Variants in PLA2G4B observed in about 807,000 individuals in gnomAD.
PLA2G4B encodes the protein phospholipase A2 group IVB.
A neutral mutation model predicts 95.8 loss-of-function variants in PLA2G4B; 122 were observed. The observed-to-expected ratio is 1.27, with a 90% confidence interval of 1.10 to 1.48. The LOEUF (loss-of-function observed/expected upper bound fraction) is 1.48, where lower values mean the gene tolerates loss of function less well. Among genes scored for constraint, PLA2G4B ranks in the 40% most tolerant of loss-of-function variants. The pLI, the probability that PLA2G4B is intolerant of heterozygous loss-of-function variation, is 0.00. For synonymous variants in PLA2G4B, 518 were observed against 421.5 expected (o/e 1.23, Z -2.80); for missense variants, 1,158 against 996.2 (o/e 1.16, Z -2.19).
chr15:41,845,850 T>G, intron 15 of PLA2G4B, 75 bp downstream of exon 15: 2 of 1,528,564 alleles, frequency 1.3e-6, no homozygotes, highest in Middle Eastern at 1.8e-4. Flanking sequence ...GCAGCCTCGG[T>G]CAGAAGAGTT....
At position 41,845,653 on chromosome 15, in the gene PLA2G4B, C is replaced by G; in HGVS notation, c.1373C>G (p.Ser458Cys). 1.9e-6 allele frequency: 3 copies of G among 1,614,180 alleles called. No homozygotes were observed. The highest frequency in any genetic ancestry group is 8.5e-7 in the Non-Finnish European group (1 of 1,180,024). The change falls in exon 15 of 20, where the codon TCT (serine) becomes TGT (cysteine). Residue 458 changes from serine to cysteine, a missense_variant. Ser to Cys is a moderately radical substitution (Grantham distance 112, BLOSUM62 -1). Coordinates refer to ENST00000458483, the MANE Select transcript of PLA2G4B (RefSeq NM_001114633.2). ...CTCCTCACAGAGTGGTGCGAGTTCT[C>G]TCCCTACGAGGTCGGCTTCCCCAAG... The part of the protein sequence containing the change: ...TFEFGEWCEF[S>C]PYEVGFPKYG...
intron 17 of PLA2G4B, 36 bp downstream of exon 17, chr15:41,846,418 C>A: frequency 6.3e-7 from 1 of 1,581,710 alleles, no homozygotes; most frequent in Non-Finnish European, 8.6e-7. Flanking sequence ...CTGTGGCCAC[C>A]TGAGCCTTGA....
rs138778012 is a variant in PLA2G4B at position 41,846,288 on chromosome 15, G to A, written c.1686G>A (p.Thr562=). ...CTGAGTTTTTCACCGATCTTCTGAC[G>A]TGGCGTCCACTGGCCCAGGCCACAC... ...RIAEFFTDLL[T]WRPLAQATHN... The change falls in exon 17 of 20, where the codon ACG becomes ACA. Residue 562 remains threonine (T), a synonymous_variant. Coordinates refer to ENST00000458483, the MANE Select transcript of PLA2G4B (RefSeq NM_001114633.2). 1,096 of 1,614,052 alleles carry A rather than the reference G, an allele frequency of 6.8e-4. 11 individuals are homozygous for A. The African/African-American group carries it at 0.013, about 20-fold the overall frequency.
chr15:41,843,525 G>C (rs2140893038), intron 10 of PLA2G4B, 151 bp from the exon 11 acceptor site: 1 of 1,379,086 alleles, frequency 7.3e-7, no homozygotes, highest in Non-Finnish European at 9.8e-7. Context: ...ACTCTCCCCA[G>C]GTGTCAAACT....
chr15:41,842,774 C>A, intron 10 of PLA2G4B, 183 bp downstream of exon 10: 1 of 913,590 alleles, frequency 1.1e-6, no homozygotes, highest in Non-Finnish European at 1.6e-6. Context: ...GGAGTCTTAG[C>A]ACCTATGGTC....
At chr15:41,844,390 T>G in intron 11 of PLA2G4B, 81 bp from the exon 12 acceptor site, 2 of 1,605,104 alleles carry the variant, frequency 1.2e-6, no homozygotes, top group Non-Finnish European at 1.7e-6. Flanking sequence ...GGGTGGCCAC[T>G]TGACCTGCTA....
chr15:41,839,180 CAG>C (rs1226747784), intron 1 of PLA2G4B: 5 of 367,910 alleles, frequency 1.4e-5, no homozygotes, highest in African/African-American at 1.0e-4. Flanking sequence ...CCTGGAGACT[CAG>C]AGGCTCCCAG....
At chr15:41,846,967 G>C in intron 18 of PLA2G4B, 132 bp downstream of exon 18, 2 of 1,246,538 alleles carry the variant, frequency 1.6e-6, no homozygotes, top group Non-Finnish European at 2.2e-6. Context: ...ATCTTAATTT[G>C]CCACCAGAGG....
intron 11 of PLA2G4B, among the ~76,000 whole-genome samples, chr15:41,844,201 A>AAAGTGAGC (rs1282159364): frequency 6.6e-6 from 1 of 152,168 alleles, no homozygotes; most frequent in Non-Finnish European, 1.5e-5. Context: ...GGGCTTCCAG[A>AAAGTGAGC]AAGTGAGCGT....
At chr15:41,840,296 T>A in intron 2 of PLA2G4B, 66 bp downstream of exon 2, 1 of 1,597,830 alleles carries the variant, frequency 6.3e-7, no homozygotes, top group Non-Finnish European at 8.5e-7. Flanking sequence ...AGGAGGAGGG[T>A]GCTGTGGCTG....
At chr15:41,845,580 G>T (rs559862870) in intron 14 of PLA2G4B, 58 bp from the exon 15 acceptor site, 21 of 1,604,766 alleles carry the variant, frequency 1.3e-5, no homozygotes, top group African/African-American at 8.0e-5. Context: ...GGGTCGGGGT[G>T]GGGGTGTGGG....
rs1056341649 is a variant in PLA2G4B, at chr15:41,846,518, T to G, written c.1780+136T>G. ...ACTACTTGGAACAGGGGTCTTTTTCTCCTTGTCTTGGGGACCCAGGGCCCA... is the reference window on the plus strand; with the variant it reads ...ACTACTTGGAACAGGGGTCTTTTTCGCCTTGTCTTGGGGACCCAGGGCCCA... On this transcript the variant is annotated intron_variant, in intron 17 of 19. Coordinates refer to ENST00000458483, the MANE Select transcript of PLA2G4B (RefSeq NM_001114633.2). The G allele has an allele frequency of 2.9e-5, 44 of 1,504,538 alleles. No individual in the cohort carries two copies. The African/African-American group carries it at 5.6e-4, about 19-fold the overall frequency. 93.2% of individuals were successfully genotyped at this position (1,504,538 alleles called of 1,614,324 possible). A position where few individuals can be genotyped will look rare whatever the true frequency, so the allele number is the denominator to read the frequency against.
Position 41,846,248 on chromosome 15 carries a change from C to CA in PLA2G4B, c.1647dup (p.Ala550SerfsTer6), listed in dbSNP as rs1567172766. 1 of 1,614,092 alleles carries CA rather than the reference C, an allele frequency of 6.2e-7. No homozygotes were observed. Among genetic ancestry groups the CA allele is most frequent in the Non-Finnish European group, 8.5e-7 (1 of 1,179,994 alleles). On this transcript the variant is annotated frameshift_variant, in exon 17 of 20. Coordinates refer to ENST00000458483, the MANE Select transcript of PLA2G4B (RefSeq NM_001114633.2). LOFTEE classifies it high-confidence loss of function. ...CTGAAGATAGAAGAACCACCCTCAA[C>CA]AGCCGGCAGGATAGCTGAGTTTTTC...
Position 41,845,293 on chromosome 15 carries a change from C to T in PLA2G4B, c.1330C>T (p.Gln444Ter), listed in dbSNP as rs1284120952. ...CTACTGTGCCCTCAACACCAAAGGG[C>T]AGAGCCTGACCACTTTTGAATTTGG... ...PIYCALNTKG[Q>*]SLTTFEFGEW... The change falls in exon 14 of 20, where the codon CAG becomes TAG. Residue 444 changes from glutamine (Q) to a stop codon, truncating the protein, a stop_gained. Coordinates refer to ENST00000458483, the MANE Select transcript of PLA2G4B (RefSeq NM_001114633.2). LOFTEE classifies it high-confidence loss of function. 5 of 1,614,116 alleles carry T rather than the reference C, an allele frequency of 3.1e-6. No individual in the cohort carries two copies. The highest frequency in any genetic ancestry group is 1.1e-5 in the South Asian group (1 of 91,074).
Position 41,844,745 on chromosome 15 carries a change from G to C in PLA2G4B, c.1017-103G>C. On this transcript the variant is annotated intron_variant, in intron 12 of 19. Coordinates refer to ENST00000458483, the MANE Select transcript of PLA2G4B (RefSeq NM_001114633.2). ...AGAAACGTGCTCAAGGGGACCCTGGGAAGGTCCCTGCCAGGCCATTGTCCT... is the reference window on the plus strand; with the variant it reads ...AGAAACGTGCTCAAGGGGACCCTGGCAAGGTCCCTGCCAGGCCATTGTCCT... 3 of 1,543,178 alleles carry C rather than the reference G, an allele frequency of 1.9e-6. No individual in the cohort carries two copies. In the East Asian group the frequency reaches 7.1e-5, roughly 36 times the overall value.
chr15:41,846,857 A>C, intron 18 of PLA2G4B, 22 bp downstream of exon 18: 1 of 1,592,042 alleles, frequency 6.3e-7, no homozygotes, highest in East Asian at 2.3e-5. Flanking sequence ...TGGGCAGCCC[A>C]CCAGGGAGGC....
chr15:41,845,683 G>C lies in PLA2G4B; in HGVS notation c.1403G>C (p.Gly468Ala). Residue 468 changes from glycine (G) to alanine (A), a missense_variant, in exon 15 of 20, where the codon GGG (glycine) becomes GCG (alanine). Transcript: ENST00000458483. ...SPYEVGFPKY[G>A]AFIPSELFGS... ...TACGAGGTCGGCTTCCCCAAGTACG[G>C]GGCCTTCATCCCCTCTGAGCTCTTT... 1 of 1,614,114 alleles carries C rather than the reference G, an allele frequency of 6.2e-7. No homozygotes were observed. Among genetic ancestry groups the C allele is most frequent in the Non-Finnish European group, 8.5e-7 (1 of 1,180,002 alleles).
At chr15:41,847,010 C>A (rs1169822933) in intron 18 of PLA2G4B, among the ~76,000 whole-genome samples, 175 bp downstream of exon 18, 1 of 152,172 alleles carries the variant, frequency 6.6e-6, no homozygotes, top group Non-Finnish European at 1.5e-5. Flanking sequence ...GGGAGGCTGG[C>A]GAGGTTCTCC....
At chr15:41,840,460 G>A (rs1172111431) in intron 2 of PLA2G4B, 64 bp from the exon 3 acceptor site, 18 of 1,610,082 alleles carry the variant, frequency 1.1e-5, no homozygotes, top group Non-Finnish European at 1.4e-5. Context: ...GTGATGGAAG[G>A]AAGTGGGTCT....
Sources: allele counts gnomAD v4.1 joint callset (sites outside exome capture counted in the v4.1 genomes callset), GRCh38; gene constraint gnomAD v4.1.1; transcripts MANE v1.5; gene names NCBI Gene and HGNC (gene_info 2026-07-23, HGNC 2026-07-21).